Variants in KLHL1 observed in about 807,000 individuals in gnomAD.
KLHL1 encodes the protein kelch-like protein 1.
In KLHL1, 47 loss-of-function variants were observed where a neutral mutation model predicts 77.7. That is an observed-to-expected ratio of 0.60 (90% CI 0.48 to 0.77). The LOEUF is 0.77. Among genes scored for constraint, KLHL1 ranks in the 30% least tolerant of loss-of-function variants. The pLI is 0.00. For missense variants in KLHL1, 925 were observed against 910.8 expected, an observed-to-expected ratio of 1.02 and a Z score of -0.20; for synonymous variants, 360 against 325.2, an observed-to-expected ratio of 1.11 and a Z score of -1.15.
At chr13:69,837,091 A>T (rs1879025658) in intron 6 of KLHL1, among the ~76,000 whole-genome samples, 1 of 151,936 alleles carries the variant, frequency 6.6e-6, no homozygotes, top group Admixed American at 6.6e-5. Context: ...CAAGACAGTA[A>T]GACTGGCACT....
chr13:69,979,017 C>CA (rs1189401999), intron 1 of KLHL1, among the ~76,000 whole-genome samples: 1 of 151,764 alleles, frequency 6.6e-6, no homozygotes, highest in Admixed American at 6.6e-5. Flanking sequence ...TATTCAAAGT[C>CA]AAAAAGTTAA....
chr13:69,989,534 T>G (rs1265483862), intron 1 of KLHL1, among the ~76,000 whole-genome samples: 1 of 152,080 alleles, frequency 6.6e-6, no homozygotes, highest in Non-Finnish European at 1.5e-5. Flanking sequence ...GCATTGAATC[T>G]ATAAATTGCT....
intron 7 of KLHL1, among the ~76,000 whole-genome samples, chr13:69,759,229 G>T (rs1416745647): frequency 6.6e-6 from 1 of 152,130 alleles, no homozygotes; most frequent in Admixed American, 6.6e-5. Flanking sequence ...AGAATCTAGA[G>T]ACTCAAAACT....
At chr13:69,759,804 T>C (rs909125695) in intron 7 of KLHL1, among the ~76,000 whole-genome samples, 4 of 152,144 alleles carry the variant, frequency 2.6e-5, no homozygotes, top group Non-Finnish European at 4.4e-5. Context: ...TATTGTATCG[T>C]CATTTGCCCA....
Position 69,735,132 on chromosome 13 carries a change from TAAG to T in KLHL1, c.1802+5259_1802+5261del, listed in dbSNP as rs1489481174. The stretch of plus-strand genomic sequence containing the variant: ...CAAATTACCACATAAACAGATCAAA[TAAG>T]AAAACAATCATCATCTTGACAAATT... On this transcript the variant is annotated intron_variant, in intron 8 of 10. Coordinates refer to ENST00000377844, the MANE Select transcript of KLHL1 (RefSeq NM_020866.3). Among the ~76,000 whole-genome samples, 10 of 152,004 alleles carry T rather than the reference TAAG, an allele frequency of 6.6e-5. No homozygotes were observed. The East Asian group carries it at 1.6e-3, about 24-fold the overall frequency.
intron 2 of KLHL1, among the ~76,000 whole-genome samples, chr13:69,970,188 G>C (rs1462072325): frequency 6.6e-6 from 1 of 151,904 alleles, no homozygotes; most frequent in Non-Finnish European, 1.5e-5. Flanking sequence ...CTATTTTTAC[G>C]GTGGTTGTAA....
chr13:69,912,082 T>G (rs909670428), intron 4 of KLHL1, among the ~76,000 whole-genome samples: 3 of 152,108 alleles, frequency 2.0e-5, no homozygotes, highest in Non-Finnish European at 4.4e-5. Context: ...AGATGTGAAA[T>G]TGCTCTTTGG....
At chr13:69,939,111 C>T (rs746634476) in intron 4 of KLHL1, among the ~76,000 whole-genome samples, 17 of 150,698 alleles carry the variant, frequency 1.1e-4, no homozygotes, top group Admixed American at 2.7e-4. Flanking sequence ...TGATACAGGG[C>T]GTCTATGCCA....
intron 3 of KLHL1, among the ~76,000 whole-genome samples, chr13:69,943,200 G>A (rs1232086031): frequency 6.7e-6 from 1 of 148,772 alleles, no homozygotes; most frequent in Non-Finnish European, 1.5e-5. Context: ...GGCTTTGAGT[G>A]TCATACAATG....
intron 4 of KLHL1, among the ~76,000 whole-genome samples, chr13:69,887,752 A>T (rs1398903011): frequency 1.3e-5 from 2 of 152,150 alleles, no homozygotes; most frequent in Non-Finnish European, 2.9e-5. Context: ...CAACATTCTG[A>T]TCACAATGAC....
chr13:69,782,805 A>AGAGAG (rs1876297731), intron 7 of KLHL1, among the ~76,000 whole-genome samples: 1 of 152,196 alleles, frequency 6.6e-6, no homozygotes, highest in African/African-American at 2.4e-5. Flanking sequence ...ACAGCTTTGA[A>AGAGAG]GAGAGTAGTG....
chr13:69,907,450 T>G, intron 4 of KLHL1, among the ~76,000 whole-genome samples: 1 of 152,166 alleles, frequency 6.6e-6, no homozygotes, highest in Middle Eastern at 3.4e-3. Flanking sequence ...AGAATTTATA[T>G]ATTACTTATA....
chr13:69,771,276 C>CAAAA (rs59252203), intron 7 of KLHL1, among the ~76,000 whole-genome samples: 4,506 of 127,880 alleles, frequency 0.035, 234 homozygotes, highest in African/African-American at 0.11. Flanking sequence ...TAGCAACTTT[C>CAAAA]AAAAAAAAAA....
intron 6 of KLHL1, among the ~76,000 whole-genome samples, chr13:69,805,817 C>A (rs1308142668): frequency 6.6e-6 from 1 of 151,028 alleles, no homozygotes; most frequent in South Asian, 2.1e-4. Flanking sequence ...TATTATATAA[C>A]ATTTAATATA....
At chr13:70,039,067 T>C (rs982300112) in intron 1 of KLHL1, among the ~76,000 whole-genome samples, 1 of 150,942 alleles carries the variant, frequency 6.6e-6, no homozygotes. Context: ...TTTTTTTTTT[T>C]TTTTTTTTGT....
At chr13:69,851,312 A>C (rs1879681303) in intron 5 of KLHL1, among the ~76,000 whole-genome samples, 1 of 151,766 alleles carries the variant, frequency 6.6e-6, no homozygotes, top group Non-Finnish European at 1.5e-5. Flanking sequence ...TAGTTCTTTT[A>C]CAAAATTATT....
At chr13:70,081,983 C>T (rs919742016) in intron 1 of KLHL1, among the ~76,000 whole-genome samples, 1 of 152,036 alleles carries the variant, frequency 6.6e-6, no homozygotes, top group African/African-American at 2.4e-5. Flanking sequence ...ATCATGGGGA[C>T]GCACTTCTCA....
chr13:69,794,775 A>C (rs1877031697), intron 7 of KLHL1, among the ~76,000 whole-genome samples: 1 of 152,202 alleles, frequency 6.6e-6, no homozygotes, highest in African/African-American at 2.4e-5. Context: ...ATTGACATTA[A>C]GATATCAATA....
chr13:70,018,370 G>C (rs1253509466), intron 1 of KLHL1, among the ~76,000 whole-genome samples: 1 of 152,154 alleles, frequency 6.6e-6, no homozygotes, highest in Non-Finnish European at 1.5e-5. Flanking sequence ...GTTATGTCTG[G>C]TCTCTGAATC....
Sources: gnomAD v4.1 joint callset for allele counts (sites outside exome capture counted in the v4.1 genomes callset) on GRCh38, gnomAD v4.1.1 for gene constraint, MANE v1.5 for transcripts, NCBI Gene and HGNC (gene_info 2026-07-23, HGNC 2026-07-21) for gene names.